EPB41L3: variants seen among roughly 807,000 people sequenced by gnomAD.
The protein encoded by EPB41L3 is erythrocyte membrane protein band 4.1 like 3, also known as band 4.1-like protein 3.
Under a neutral mutation model 127.1 loss-of-function variants are expected in EPB41L3, and 57 were observed. That is an observed-to-expected ratio of 0.45 (90% CI 0.36 to 0.56). EPB41L3 has a LOEUF of 0.56. EPB41L3 is among the 20% of genes least tolerant of loss of function. EPB41L3 has a pLI of 0.00. For missense variants in EPB41L3, 1,273 were observed against 1,372.2 expected (o/e 0.93, Z 1.14); for synonymous variants, 572 against 549.5 (o/e 1.04, Z -0.57).
At chr18:5,501,491 C>T (rs8088796) in intron 1 of EPB41L3, among the ~76,000 whole-genome samples, 28,890 of 152,114 alleles carry the variant, frequency 0.19, 3,059 homozygotes, top group African/African-American at 0.28. Context: ...ATATGCTAAA[C>T]TTGATCAGTT....
At chr18:5,522,671 T>C (rs1329869306) in intron 1 of EPB41L3, among the ~76,000 whole-genome samples, 5 of 152,248 alleles carry the variant, frequency 3.3e-5, no homozygotes, top group African/African-American at 1.2e-4. Flanking sequence ...CTGAATGTTT[T>C]TGACCAATGT....
intron 3 of EPB41L3, among the ~76,000 whole-genome samples, chr18:5,578,921 C>T (rs1301209002): frequency 1.3e-5 from 2 of 152,190 alleles, no homozygotes; most frequent in Non-Finnish European, 2.9e-5. Flanking sequence ...CCAAGAGAAA[C>T]TGGCACATGT....
At chr18:5,493,230 C>T (rs1160127974) in intron 1 of EPB41L3, among the ~76,000 whole-genome samples, 1 of 152,262 alleles carries the variant, frequency 6.6e-6, no homozygotes, top group Non-Finnish European at 1.5e-5. Context: ...TGAAAAGACA[C>T]AAACTAAAGA....
chr18:5,405,695 G>A (rs2075259706), intron 16 of EPB41L3, among the ~76,000 whole-genome samples: 1 of 152,000 alleles, frequency 6.6e-6, no homozygotes, highest in Non-Finnish European at 1.5e-5. Context: ...AGGAGGCTGA[G>A]GCAGGAGGAT....
At position 5,433,630 on chromosome 18, in the gene EPB41L3, C is replaced by G. The variant is rs2079310611; in HGVS notation, c.825-74G>C. ...AGGCTGCAATATTTCCCACTTAGTT[C>G]CATGCTATCTCATAAGAAGTCCTAT... is the stretch of plus-strand genomic sequence containing the variant. On this transcript the variant is annotated intron_variant, in intron 7 of 22. Coordinates refer to ENST00000341928, the MANE Select transcript of EPB41L3 (RefSeq NM_012307.5). 3 of 1,328,608 alleles carry G rather than the reference C, an allele frequency of 2.3e-6. No homozygotes were observed. In the South Asian group the frequency reaches 3.7e-5, roughly 17 times the overall value. 82.3% of individuals were successfully genotyped at this position (1,328,608 alleles called of 1,614,324 possible).
intron 3 of EPB41L3, among the ~76,000 whole-genome samples, chr18:5,474,415 A>T (rs1470080459): frequency 6.6e-6 from 1 of 152,032 alleles, no homozygotes; most frequent in Admixed American, 6.6e-5. Context: ...TACTCCTTCT[A>T]TCTTGCTTTC....
Position 5,443,820 on chromosome 18 carries a change from T to C in EPB41L3, c.529+18A>G. The C allele has an allele frequency of 6.2e-7, 1 of 1,606,214 alleles. No homozygotes were observed. The highest frequency in any genetic ancestry group is 8.5e-7 in the Non-Finnish European group (1 of 1,176,210). On this transcript the variant is annotated intron_variant, in intron 5 of 22. Transcript: ENST00000341928. ...AAAACCTTCACATTTCCACAAAAAA[T>C]AATCCAAAAGAACTTACTTCGAACC...
At chr18:5,478,127 G>T in intron 3 of EPB41L3, 114 bp downstream of exon 3, 1 of 846,740 alleles carries the variant, frequency 1.2e-6, no homozygotes, top group Non-Finnish European at 1.8e-6. Flanking sequence ...TAGAGACTGG[G>T]TTTGAGTAAT....
intron 1 of EPB41L3, among the ~76,000 whole-genome samples, chr18:5,514,829 C>T (rs1568470648): frequency 1.3e-5 from 2 of 152,202 alleles, no homozygotes; most frequent in African/African-American, 4.8e-5. Context: ...TTAGTGCTGA[C>T]AGGGTACAGC....
chr18:5,401,162 T>C (rs1321110857), intron 16 of EPB41L3: 19 of 463,054 alleles, frequency 4.1e-5, no homozygotes, highest in Middle Eastern at 3.0e-4. Flanking sequence ...TCATATATTC[T>C]CATAATATTC....
intron 5 of EPB41L3, among the ~76,000 whole-genome samples, chr18:5,442,343 G>A (rs1052672467): frequency 6.6e-6 from 1 of 152,176 alleles, no homozygotes; most frequent in Non-Finnish European, 1.5e-5. Context: ...TTTCTGGGTA[G>A]TGGATACATC....
At chr18:5,527,426 T>A (rs2093264640) in intron 1 of EPB41L3, among the ~76,000 whole-genome samples, 1 of 151,994 alleles carries the variant, frequency 6.6e-6, no homozygotes, top group African/African-American at 2.4e-5. Flanking sequence ...TTTTCCCTCA[T>A]AAATTCGTGG....
intron 3 of EPB41L3, chr18:5,570,991 A>T (rs2094272659): frequency 6.6e-6 from 1 of 152,154 alleles, no homozygotes; most frequent in Non-Finnish European, 1.5e-5. Flanking sequence ...ATTTAGAGAC[A>T]TTTTTTTCTT....
chr18:5,472,152 A>G (rs1254594545), intron 3 of EPB41L3, among the ~76,000 whole-genome samples: 1 of 152,198 alleles, frequency 6.6e-6, no homozygotes, highest in Non-Finnish European at 1.5e-5. Context: ...GAAAACCAGG[A>G]AAATGGATTT....
Position 5,416,349 on chromosome 18 carries a change from G to A in EPB41L3, c.1536C>T (p.Pro512=). Reference sequence around the variant, plus strand: ...CACAATGGGTGGATGGGGGTGACAAGGGACATGAGTCAGTGCCAAGCCCAG... The same window carrying A: ...CACAATGGGTGGATGGGGGTGACAAAGGACATGAGTCAGTGCCAAGCCCAG... ...KSPGLGTDSC[P]LSPPSTHCAP... is the part of the protein sequence containing the mutation. Residue 512 remains proline (P), a synonymous_variant, in exon 13 of 23, where the codon CCC becomes CCT. Transcript: ENST00000341928. The A allele has an allele frequency of 6.2e-7, 1 of 1,613,692 alleles. No individual in the cohort carries two copies. Among genetic ancestry groups the A allele is most frequent in the South Asian group, 1.1e-5 (1 of 91,060 alleles).
chr18:5,587,774 T>G (rs2143441552), intron 3 of EPB41L3, among the ~76,000 whole-genome samples: 1 of 152,214 alleles, frequency 6.6e-6, no homozygotes, highest in East Asian at 1.9e-4. Flanking sequence ...AGTTTGTTTG[T>G]TTGATTCATC....
upstream of EPB41L3, among the ~76,000 whole-genome samples, chr18:5,544,575 C>T (rs1479491007): frequency 1.3e-5 from 2 of 152,138 alleles, no homozygotes; most frequent in East Asian, 3.8e-4. Flanking sequence ...CCGAAATTTA[C>T]CTTGATTTTA....
intron 2 of EPB41L3, among the ~76,000 whole-genome samples, chr18:5,487,123 C>A (rs149908157): frequency 9.9e-5 from 15 of 152,090 alleles, no homozygotes; most frequent in Admixed American, 7.9e-4. Flanking sequence ...GGTATATACA[C>A]CCAATGAAAT....
intron 3 of EPB41L3, among the ~76,000 whole-genome samples, chr18:5,556,797 GCT>G (rs2094042143): frequency 6.6e-6 from 1 of 152,108 alleles, no homozygotes; most frequent in Non-Finnish European, 1.5e-5. Flanking sequence ...TGCCTCATCT[GCT>G]CTCTCATTTA....
Sources: gnomAD v4.1 joint callset for allele counts (sites outside exome capture counted in the v4.1 genomes callset) on GRCh38, gnomAD v4.1.1 for gene constraint, MANE v1.5 for transcripts, NCBI Gene and HGNC (gene_info 2026-07-23, HGNC 2026-07-21) for gene names.